The following LINC00305 variants were observed in gnomAD, a reference collection of about 807,000 sequenced individuals.
The protein encoded by LINC00305 is long intergenic non-protein coding RNA 305.
chr18:64,093,772 G>A (rs1473778970), intron 3 of LINC00305, among the ~76,000 whole-genome samples: 1 of 152,208 alleles, frequency 6.6e-6, no homozygotes, highest in Non-Finnish European at 1.5e-5. Context: ...GGGGCTTAAA[G>A]ATAGAGCATA....
At chr18:64,097,861 A>C (rs2051251205) in exon 3 of LINC00305, 1 of 457,996 alleles carries the variant, frequency 2.2e-6, no homozygotes, top group South Asian at 1.5e-5. Context: ...AGCATGTAGA[A>C]TCTCACTCTA....
Position 64,124,616 on chromosome 18 carries a change from G to A in LINC00305, n.314+24159C>T, listed in dbSNP as rs141830942. ...TGCATTTATAAAATGCTAAGAAAAT[G>A]TTTGTTGTATTAAATTTGAGCTCTT... On this transcript the variant is annotated intron_variant and non_coding_transcript_variant, in intron 1 of 3. Coordinates refer to ENST00000666468, the Ensembl canonical transcript of LINC00305. 3.3e-3 allele frequency among the ~76,000 whole-genome samples: 508 copies of A among 152,078 alleles called. 3 individuals carry two copies. Among genetic ancestry groups the A allele is most frequent in the African/African-American group, 0.012 (480 of 41,436 alleles).
chr18:64,145,434 A>G (rs954527617), intron 1 of LINC00305, among the ~76,000 whole-genome samples: 17 of 152,118 alleles, frequency 1.1e-4, no homozygotes, highest in African/African-American at 3.9e-4. Context: ...GCACCATGGG[A>G]CCAGAAGGCG....
At chr18:64,115,706 C>T (rs1274695152) in intron 1 of LINC00305, among the ~76,000 whole-genome samples, 1 of 152,108 alleles carries the variant, frequency 6.6e-6, no homozygotes, top group Non-Finnish European at 1.5e-5. Context: ...CCTCTAGGAT[C>T]CTTGCCTTCC....
intron 3 of LINC00305, among the ~76,000 whole-genome samples, chr18:64,092,748 A>G (rs2051229888): frequency 6.6e-6 from 1 of 152,166 alleles, no homozygotes; most frequent in Admixed American, 6.5e-5. Context: ...GCTTGTGTAC[A>G]GTGATTATGC....
At chr18:64,091,840 G>A (rs950193353) in intron 3 of LINC00305, among the ~76,000 whole-genome samples, 1 of 152,208 alleles carries the variant, frequency 6.6e-6, no homozygotes, top group African/African-American at 2.4e-5. Context: ...TGTTAAGGAT[G>A]TAAACACACA....
chr18:64,080,276 C>A, exon 4 of LINC00305: 1 of 456,346 alleles, frequency 2.2e-6, no homozygotes, highest in South Asian at 1.6e-5. Context: ...TCTCTGTTTT[C>A]AAAGAAACAG....
intron 3 of LINC00305, among the ~76,000 whole-genome samples, chr18:64,092,153 C>T (rs2144896022): frequency 6.6e-6 from 1 of 152,326 alleles, no homozygotes; most frequent in South Asian, 2.1e-4. Flanking sequence ...TTTGTTTCTC[C>T]TCATTTCTCC....
At chr18:64,099,274 A>G (rs533114976) in intron 1 of LINC00305, among the ~76,000 whole-genome samples, 2 of 152,286 alleles carry the variant, frequency 1.3e-5, no homozygotes, top group Non-Finnish European at 2.9e-5. Context: ...TACTCTCTAA[A>G]TTTGTGATTT....
intron 1 of LINC00305, among the ~76,000 whole-genome samples, chr18:64,112,888 C>T (rs1426048429): frequency 1.3e-5 from 2 of 152,128 alleles, no homozygotes; most frequent in Admixed American, 1.3e-4. Context: ...AGTAGTTCTC[C>T]CCATCCCCCA....
chr18:64,136,285 G>T (rs1040760679), intron 1 of LINC00305, among the ~76,000 whole-genome samples: 1 of 152,160 alleles, frequency 6.6e-6, no homozygotes, highest in Non-Finnish European at 1.5e-5. Context: ...TTGGCTTGTT[G>T]TATTACTCTG....
At chr18:64,141,182 C>T (rs1397351638) in intron 1 of LINC00305, among the ~76,000 whole-genome samples, 1 of 151,480 alleles carries the variant, frequency 6.6e-6, no homozygotes, top group East Asian at 1.9e-4. Context: ...ACACCTTTAA[C>T]CTATAAAAAC....
At chr18:64,122,599 A>G (rs1483531211) in intron 1 of LINC00305, among the ~76,000 whole-genome samples, 1 of 152,108 alleles carries the variant, frequency 6.6e-6, no homozygotes, top group African/African-American at 2.4e-5. Context: ...CTTGTAGTAA[A>G]ATATGAAATC....
chr18:64,088,407 T>C (rs149472497), intron 3 of LINC00305, among the ~76,000 whole-genome samples: 1 of 152,338 alleles, frequency 6.6e-6, no homozygotes, highest in African/African-American at 2.4e-5. Context: ...TGCATCTCAG[T>C]GCTCTTTCTT....
intron 1 of LINC00305, among the ~76,000 whole-genome samples, chr18:64,143,732 GT>G (rs2051481352): frequency 1.3e-5 from 2 of 150,800 alleles, no homozygotes; most frequent in African/African-American, 2.4e-5. Context: ...GTACATGTAT[GT>G]CCACATATTA....
At chr18:64,115,991 G>A (rs1371749367) in intron 1 of LINC00305, among the ~76,000 whole-genome samples, 1 of 152,082 alleles carries the variant, frequency 6.6e-6, no homozygotes, top group Admixed American at 6.6e-5. Flanking sequence ...TTTCCATTGG[G>A]TAAGGCCAAT....
At chr18:64,134,478 G>C (rs1250391917) in intron 1 of LINC00305, among the ~76,000 whole-genome samples, 1 of 152,124 alleles carries the variant, frequency 6.6e-6, no homozygotes, top group Non-Finnish European at 1.5e-5. Flanking sequence ...GTAGGAAAAC[G>C]CTCAAGCTCA....
At chr18:64,114,968 A>G (rs1370264211) in intron 1 of LINC00305, among the ~76,000 whole-genome samples, 1 of 152,082 alleles carries the variant, frequency 6.6e-6, no homozygotes, top group Non-Finnish European at 1.5e-5. Context: ...GCTTCTACAC[A>G]CCCTTCTCCC....
At position 64,084,780 on chromosome 18, in the gene LINC00305, A is replaced by G. The variant is rs567702128; in HGVS notation, n.541-4378T>C. The stretch of plus-strand genomic sequence containing the variant: ...AGCTGAGGCTTAGATGGTCTAGGCT[A>G]AACTTGGCTGATGAAACTCAGCCCC... On this transcript the variant is annotated intron_variant and non_coding_transcript_variant, in intron 3 of 3. Coordinates refer to ENST00000666468, the Ensembl canonical transcript of LINC00305. 2.3e-4 allele frequency among the ~76,000 whole-genome samples: 35 copies of G among 152,350 alleles called. 1 individual carries two copies. Among genetic ancestry groups the G allele is most frequent in the African/African-American group, 7.9e-4 (33 of 41,598 alleles).
Sources: allele counts gnomAD v4.1 joint callset (sites outside exome capture counted in the v4.1 genomes callset), GRCh38; gene constraint gnomAD v4.1.1; transcripts MANE v1.5; gene names NCBI Gene and HGNC (gene_info 2026-07-23, HGNC 2026-07-21).